USP34: variants seen among roughly 807,000 people sequenced by gnomAD.
USP34 encodes ubiquitin carboxyl-terminal hydrolase 34.
Under a neutral mutation model 460.3 loss-of-function variants are expected in USP34, and 70 were observed. That is an observed-to-expected ratio of 0.15 (90% confidence interval 0.13 to 0.19). The LOEUF is 0.19. USP34 is among the 10% of genes least tolerant of loss of function. USP34 has a pLI of 1.00. For missense variants in USP34, 3,985 were observed against 4,236.2 expected (o/e 0.94, Z 1.65); for synonymous variants, 1,647 against 1,405.3 (o/e 1.17, Z -3.85).
intron 27 of USP34, among the ~76,000 whole-genome samples, chr2:61,302,497 A>C (rs999063810): frequency 1.3e-5 from 2 of 152,142 alleles, no homozygotes; most frequent in African/African-American, 4.8e-5. Flanking sequence ...TCCCTTTCTC[A>C]TTATTTCTAG....
intron 8 of USP34, among the ~76,000 whole-genome samples, chr2:61,376,482 T>G (rs1399569455): frequency 6.6e-6 from 1 of 152,214 alleles, no homozygotes; most frequent in Non-Finnish European, 1.5e-5. Context: ...AATGTGTTAT[T>G]ACTGCAGTGA....
intron 3 of USP34, 48 bp from the exon 4 acceptor site, chr2:61,395,281 C>G: frequency 9.0e-7 from 1 of 1,110,980 alleles, no homozygotes; most frequent in Non-Finnish European, 1.3e-6. Flanking sequence ...AACTACTAAC[C>G]TTTAAAAAAT....
intron 1 of USP34, among the ~76,000 whole-genome samples, chr2:61,425,384 G>A (rs72886867): frequency 1.8e-4 from 27 of 151,922 alleles, no homozygotes; most frequent in Non-Finnish European, 2.6e-4. Flanking sequence ...TAGCAACTAC[G>A]CACACTTCCT....
chr2:61,399,024 A>C (rs1469395987), intron 3 of USP34, among the ~76,000 whole-genome samples: 2 of 152,154 alleles, frequency 1.3e-5, no homozygotes, highest in African/African-American at 4.8e-5. Context: ...AGAATCTTAG[A>C]GCCACGATTT....
chr2:61,416,209 T>A (rs935787851), intron 2 of USP34, among the ~76,000 whole-genome samples: 44 of 152,312 alleles, frequency 2.9e-4, no homozygotes, highest in African/African-American at 1.0e-3. Context: ...GATGCCAAAA[T>A]AAAAGGCAGA....
Position 61,223,179 on chromosome 2 carries a change from A to C in USP34, c.7645-15T>G, listed in dbSNP as rs1687635937. Reference sequence around the variant, plus strand: ...AAGGGAAATCCCTGTCAAAAGCAAAAGTTGTTCATTTAAGAACCGTTATTA... The same window carrying C: ...AAGGGAAATCCCTGTCAAAAGCAAACGTTGTTCATTTAAGAACCGTTATTA... On this transcript the variant is annotated splice_polypyrimidine_tract_variant and intron_variant, in intron 63 of 79. Transcript: ENST00000398571. 1.2e-6 allele frequency: 2 copies of C among 1,613,326 alleles called. No homozygotes were observed. Among genetic ancestry groups the C allele is most frequent in the Admixed American group, 3.3e-5 (2 of 59,964 alleles).
At position 61,401,693 on chromosome 2, in the gene USP34, C is replaced by T. The variant is rs907617092; in HGVS notation, c.552+4015G>A. ...CCTCCAGAGTAGCTGGGACTACAGGCACCCGCTACCACGCCCTGCTAATTT... is the reference window on the plus strand; with the variant it reads ...CCTCCAGAGTAGCTGGGACTACAGGTACCCGCTACCACGCCCTGCTAATTT... On this transcript the variant is annotated intron_variant, in intron 3 of 79. Coordinates refer to ENST00000398571, the MANE Select transcript of USP34 (RefSeq NM_014709.4). Among the ~76,000 whole-genome samples the T allele has an allele frequency of 2.0e-5, 3 of 150,406 alleles. No homozygotes were observed. In the East Asian group the frequency reaches 5.9e-4, roughly 30 times the overall value.
At chr2:61,304,992 T>C (rs2103653219) in intron 27 of USP34, among the ~76,000 whole-genome samples, 1 of 152,262 alleles carries the variant, frequency 6.6e-6, no homozygotes, top group African/African-American at 2.4e-5. Flanking sequence ...CACACGTCAT[T>C]TTTCCCCTTT....
Position 61,367,326 on chromosome 2 carries a change from G to T in USP34, c.1251+2995C>A, listed in dbSNP as rs553297405. Among the ~76,000 whole-genome samples, 20 of 150,578 alleles carry T rather than the reference G, an allele frequency of 1.3e-4. No homozygotes were observed. The South Asian group carries it at 4.2e-3, about 32-fold the overall frequency. ...AGTGCGCGCGCACACACACACGCGC[G>T]CGCACACACACAAATGCAATTTGCC... On this transcript the variant is annotated intron_variant, in intron 10 of 79. Coordinates refer to ENST00000398571, the MANE Select transcript of USP34 (RefSeq NM_014709.4).
chr2:61,459,401 A>C (rs1365403674), intron 1 of USP34, among the ~76,000 whole-genome samples: 1 of 152,202 alleles, frequency 6.6e-6, no homozygotes, highest in Non-Finnish European at 1.5e-5. Context: ...TATTATCATC[A>C]CTGTGTTAAA....
chr2:61,198,947 T>C (rs1558461838), intron 75 of USP34, among the ~76,000 whole-genome samples: 1 of 152,226 alleles, frequency 6.6e-6, no homozygotes. Context: ...AACTGCCTAT[T>C]CATGTCCTTT....
chr2:61,392,591 T>C (rs1693382879), intron 5 of USP34, among the ~76,000 whole-genome samples: 1 of 152,072 alleles, frequency 6.6e-6, no homozygotes, highest in African/African-American at 2.4e-5. Flanking sequence ...GCCACTGCAC[T>C]CTAGCCTGGG....
chr2:61,438,206 A>T (rs1175086698), intron 1 of USP34, among the ~76,000 whole-genome samples: 1 of 152,204 alleles, frequency 6.6e-6, no homozygotes, highest in Non-Finnish European at 1.5e-5. Flanking sequence ...ACATACGCAA[A>T]TCAATGGATG....
Position 61,227,104 on chromosome 2 carries a change from A to C in USP34, c.7558T>G (p.Leu2520Val). Residue 2520 changes from leucine (L) to valine (V), a missense_variant, in exon 62 of 80, where the codon TTA becomes GTA. This residue lies in a region of USP34 where 604 missense variants were observed against 684.8 expected (regional missense o/e 0.88). Coordinates refer to ENST00000398571, the MANE Select transcript of USP34 (RefSeq NM_014709.4). ...GACTGTTCAACCAAAAGAGCAACTA[A>C]AGCTATCATCTTTTCAAGGGCAGCT... ...RPAALEKMIA[L>V]VALLVEQSRS... 3 of 1,613,346 alleles carry C rather than the reference A, an allele frequency of 1.9e-6. No homozygotes were observed. The highest frequency in any genetic ancestry group is 2.5e-6 in the Non-Finnish European group (3 of 1,179,858).
rs767227435 is a variant in USP34, at chr2:61,206,132, T to C, written c.9047-8A>G. 3 of 1,610,412 alleles carry C rather than the reference T, an allele frequency of 1.9e-6. No individual in the cohort carries two copies. In the South Asian group the frequency reaches 3.3e-5, roughly 18 times the overall value. On this transcript the variant is annotated splice_region_variant and splice_polypyrimidine_tract_variant and intron_variant, in intron 71 of 79. Transcript: ENST00000398571. ...TTAATGCTTGTTTCACATCTGCAAA[T>C]ATAAAAGCACATATAAATATGCCAT...
intron 5 of USP34, among the ~76,000 whole-genome samples, chr2:61,385,498 C>T (rs533754426): frequency 6.6e-6 from 1 of 150,412 alleles, no homozygotes; most frequent in Non-Finnish European, 1.5e-5. Context: ...GGTGAAACCC[C>T]ATCTCTACTA....
In USP34 at chr2:61,445,310, C is replaced by T. The variant is rs189117003; in HGVS notation, c.44-24477G>A. ...CAGCACTTTGGGAGGCCGAGGCGGGCGGATCACAAGGTCAGGAGATCAAGA... is the reference window on the plus strand; with the variant it reads ...CAGCACTTTGGGAGGCCGAGGCGGGTGGATCACAAGGTCAGGAGATCAAGA... On this transcript the variant is annotated intron_variant, in intron 1 of 79. Transcript: ENST00000398571. 1.8e-3 allele frequency among the ~76,000 whole-genome samples: 268 copies of T among 147,936 alleles called. 4 individuals are homozygous for T. The East Asian group carries it at 0.045, about 25-fold the overall frequency.
At chr2:61,265,371 G>T (rs1408301118) in intron 43 of USP34, 26 bp downstream of exon 43, 4 of 1,580,970 alleles carry the variant, frequency 2.5e-6, no homozygotes, top group South Asian at 2.4e-5. Flanking sequence ...TTATAATTTT[G>T]ATTTTTAAAG....
In USP34 at chr2:61,347,874, C is replaced by CGTGGTGGTGGTGATGGTGGTG. The variant is rs1558541986; in HGVS notation, c.2260_2280dup (p.His754_His760dup). 1 of 1,611,376 alleles carries CGTGGTGGTGGTGATGGTGGTG rather than the reference C, an allele frequency of 6.2e-7. No homozygotes were observed. Among genetic ancestry groups the CGTGGTGGTGGTGATGGTGGTG allele is most frequent in the Admixed American group, 1.7e-5 (1 of 59,924 alleles). On this transcript the variant is annotated inframe_insertion, in exon 15 of 80. Transcript: ENST00000398571. Reference sequence around the variant, plus strand: ...TTTATTTTGAAGTAGGCTTACCCATCGTGGTGGTGGTGATGGTGGTGGTGG... The same window carrying CGTGGTGGTGGTGATGGTGGTG: ...TTTATTTTGAAGTAGGCTTACCCATCGTGGTGGTGGTGATGGTGGTGGTGGTGGTGGTGATGGTGGTGGTGG...
Sources: gnomAD v4.1 joint callset for allele counts (sites outside exome capture counted in the v4.1 genomes callset) on GRCh38, gnomAD v4.1.1 for gene constraint, gnomAD v4.1.1 regional missense constraint, MANE v1.5 for transcripts, NCBI Gene and HGNC (gene_info 2026-07-23, HGNC 2026-07-21) for gene names.